ABCC8: variants seen among roughly 807,000 people sequenced by gnomAD.
ABCC8 encodes ATP binding cassette subfamily C member 8.
In ABCC8, 137 loss-of-function variants were observed where a neutral mutation model predicts 188.0. That is an observed-to-expected ratio of 0.73 (90% CI 0.63 to 0.84). The LOEUF is 0.84. ABCC8 is among the 40% of genes least tolerant of loss of function. ABCC8 has a pLI of 0.00. For missense variants in ABCC8, 1,750 were observed against 2,072.7 expected, an observed-to-expected ratio of 0.84 and a Z score of 3.02; for synonymous variants, 797 against 846.5, an observed-to-expected ratio of 0.94 and a Z score of 1.01.
At position 17,410,546 on chromosome 11, in the gene ABCC8, G is replaced by A; in HGVS notation, c.2664C>T (p.His888=). ...CTGCATGGGGCAGGTACTGTAGCTT[G>A]TGGGTCACTAAGACCACTGTCCTCT... ...DDKRTVVLVT[H]KLQYLPHADW... is the part of the protein sequence containing the mutation. Residue 888 remains histidine, a synonymous_variant, in exon 22 of 39, where the codon CAC becomes CAT. Transcript: ENST00000389817. The A allele has an allele frequency of 6.2e-7, 1 of 1,614,140 alleles. No homozygotes were observed. Among genetic ancestry groups the A allele is most frequent in the Non-Finnish European group, 8.5e-7 (1 of 1,180,022 alleles).
intron 10 of ABCC8, among the ~76,000 whole-genome samples, chr11:17,433,724 G>C (rs183214559): frequency 4.2e-4 from 64 of 152,360 alleles, no homozygotes; most frequent in Admixed American, 6.5e-4. Context: ...GATGGGGAAG[G>C]CAAGGCTCCT....
chr11:17,443,689 A>G (rs989137214), intron 8 of ABCC8, among the ~76,000 whole-genome samples: 2 of 152,192 alleles, frequency 1.3e-5, no homozygotes, highest in African/African-American at 2.4e-5. Flanking sequence ...GGTTACTGTC[A>G]TTGGAAAAAA....
At chr11:17,435,553 G>A in intron 10 of ABCC8, 2 of 1,284,014 alleles carry the variant, frequency 1.6e-6, no homozygotes, top group Non-Finnish European at 2.3e-6. Context: ...GGATCTAAAA[G>A]CACAAAAGGA....
intron 2 of ABCC8, among the ~76,000 whole-genome samples, chr11:17,471,180 C>T (rs931766684): frequency 1.3e-5 from 2 of 152,194 alleles, no homozygotes; most frequent in African/African-American, 4.8e-5. Flanking sequence ...AGGGTCCCTG[C>T]CCTTGAGAAG....
At chr11:17,405,908 G>A (rs1484093492) in intron 26 of ABCC8, among the ~76,000 whole-genome samples, 3 of 152,238 alleles carry the variant, frequency 2.0e-5, no homozygotes, top group Non-Finnish European at 2.9e-5. Context: ...ACAGCCTGCC[G>A]GCTGGCTGAC....
chr11:17,465,049 C>T lies in ABCC8; in HGVS notation c.413-1445G>A, dbSNP rs115149543. The stretch of plus-strand genomic sequence containing the variant: ...CCATGCGCCCAGGGCTGAGCTCACC[C>T]GGGGGGATCGATGCCATCCACCTTG... On this transcript the variant is annotated intron_variant, in intron 3 of 38. Transcript: ENST00000389817. 7.1e-3 allele frequency among the ~76,000 whole-genome samples: 1,078 copies of T among 152,288 alleles called. 12 individuals carry two copies. Among genetic ancestry groups the T allele is most frequent in the African/African-American group, 0.022 (912 of 41,542 alleles).
At chr11:17,403,723 C>A (rs181590072) in intron 28 of ABCC8, among the ~76,000 whole-genome samples, 63 of 152,288 alleles carry the variant, frequency 4.1e-4, no homozygotes, top group African/African-American at 1.3e-3. Flanking sequence ...CACACACCTC[C>A]ATGACCAACA....
chr11:17,425,635 T>C (rs1955545717), intron 16 of ABCC8, among the ~76,000 whole-genome samples: 1 of 152,166 alleles, frequency 6.6e-6, no homozygotes, highest in Non-Finnish European at 1.5e-5. Flanking sequence ...TTTTACCCTC[T>C]TCATTTCTCA....
At position 17,424,879 on chromosome 11, in the gene ABCC8, T is replaced by C. The variant is rs57258850; in HGVS notation, c.2222+2170A>G. ...AACTTCTCTGAGCCTGAGTTTCTGC[T>C]TCTGTGAAATGGGGTAACAACACTC... On this transcript the variant is annotated intron_variant, in intron 16 of 38. Coordinates refer to ENST00000389817, the MANE Select transcript of ABCC8 (RefSeq NM_000352.6). 6.3e-3 allele frequency among the ~76,000 whole-genome samples: 964 copies of C among 152,344 alleles called. 9 individuals are homozygous for C. The highest frequency in any genetic ancestry group is 0.022 in the African/African-American group (921 of 41,568).
intron 31 of ABCC8, 74 bp downstream of exon 31, chr11:17,397,610 T>C (rs1954007793): frequency 6.5e-7 from 1 of 1,539,980 alleles, no homozygotes; most frequent in African/African-American, 1.4e-5. Context: ...GAGTGTCTCA[T>C]GTCTCCAGTG....
chr11:17,431,524 T>C (rs1357726904), intron 11 of ABCC8, among the ~76,000 whole-genome samples: 1 of 152,226 alleles, frequency 6.6e-6, no homozygotes, highest in African/African-American at 2.4e-5. Context: ...AAGCAGATCT[T>C]TTTAAGGAAC....
At chr11:17,444,666 A>C (rs1179103734) in intron 8 of ABCC8, among the ~76,000 whole-genome samples, 1 of 152,190 alleles carries the variant, frequency 6.6e-6, no homozygotes, top group Non-Finnish European at 1.5e-5. Flanking sequence ...GAGTGTGCAA[A>C]GCAACTGTGA....
At chr11:17,432,117 C>T in intron 11 of ABCC8, 87 bp downstream of exon 11, 1 of 1,517,904 alleles carries the variant, frequency 6.6e-7, no homozygotes, top group South Asian at 1.2e-5. Flanking sequence ...GGCCCCTGTG[C>T]AGAAAGGCCA....
intron 5 of ABCC8, chr11:17,460,877 G>A: frequency 9.2e-7 from 1 of 1,091,652 alleles, no homozygotes; most frequent in Non-Finnish European, 1.3e-6. Context: ...ACATGGTCTA[G>A]ATGGGGAAAC....
At chr11:17,431,314 T>C (rs1403878956) in intron 11 of ABCC8, among the ~76,000 whole-genome samples, 1 of 152,162 alleles carries the variant, frequency 6.6e-6, no homozygotes, top group Non-Finnish European at 1.5e-5. Context: ...CTCATCGGGA[T>C]AACGTAAACA....
intron 7 of ABCC8, among the ~76,000 whole-genome samples, chr11:17,451,380 AT>A (rs1316109231): frequency 6.6e-6 from 1 of 152,208 alleles, no homozygotes; most frequent in African/African-American, 2.4e-5. Context: ...TTGTCACATA[AT>A]GACATCCCTG....
At position 17,407,067 on chromosome 11, in the gene ABCC8, T is replaced by C. The variant is rs773652615; in HGVS notation, c.2983A>G (p.Ile995Val). 18 of 1,613,910 alleles carry C rather than the reference T, an allele frequency of 1.1e-5. No individual in the cohort carries two copies. Among genetic ancestry groups the C allele is most frequent in the Non-Finnish European group, 1.5e-5 (18 of 1,180,044 alleles). ...LSSMLHQRAE[I>V]PWRACAKYLS... is the part of the protein sequence containing the mutation. ...TACTTGGCGCAGGCTCGCCATGGGA[T>C]CTCAGCACGCTGGTGCAGCATGGAC... Residue 995 changes from isoleucine to valine, a missense_variant, in exon 25 of 39, where the codon ATC becomes GTC. Ile to Val is a conservative substitution (Grantham distance 29). Coordinates refer to ENST00000389817, the MANE Select transcript of ABCC8 (RefSeq NM_000352.6).
intron 6 of ABCC8, among the ~76,000 whole-genome samples, chr11:17,453,625 A>G (rs1435860451): frequency 1.3e-5 from 2 of 152,212 alleles, no homozygotes; most frequent in Admixed American, 6.5e-5. Context: ...TAGAGCACCT[A>G]AAACCTGAAC....
At chr11:17,451,170 T>C (rs1241293632) in intron 7 of ABCC8, among the ~76,000 whole-genome samples, 5 of 152,188 alleles carry the variant, frequency 3.3e-5, no homozygotes, top group South Asian at 2.1e-4. Flanking sequence ...CACACATTAG[T>C]ATATTTAATT....
Sources: allele counts gnomAD v4.1 joint callset (sites outside exome capture counted in the v4.1 genomes callset), GRCh38; gene constraint gnomAD v4.1.1; transcripts MANE v1.5; gene names NCBI Gene and HGNC (gene_info 2026-07-23, HGNC 2026-07-21).